CCDC159: variants seen among roughly 807,000 people sequenced by gnomAD.
CCDC159 encodes the protein coiled-coil domain-containing protein 159.
CCDC159 carries 40 observed loss-of-function variants against 50.9 expected under a neutral mutation model. The observed-to-expected ratio is 0.79, with a 90% CI of 0.61 to 1.02. CCDC159 has a LOEUF of 1.02. Ranked by LOEUF, CCDC159 falls within the 50% of genes least tolerant of loss-of-function variation. The pLI is 0.00. For synonymous variants in CCDC159, 146 were observed against 138.9 expected (o/e 1.05, Z -0.36); for missense variants, 356 against 371.5 (o/e 0.96, Z 0.34).
At chr19:11,354,489 A>T in intron 9 of CCDC159, 91 bp from the exon 10 acceptor site, 1 of 1,164,530 alleles carries the variant, frequency 8.6e-7, no homozygotes, top group Non-Finnish European at 1.2e-6. Context: ...GTCATGGTTT[A>T]AGTATCAATG....
chr19:11,352,308 T>C (rs1967629151), intron 7 of CCDC159, 175 bp downstream of exon 7: 1 of 651,030 alleles, frequency 1.5e-6, no homozygotes. Context: ...CTCATCTGTA[T>C]AATGGATGTA....
At chr19:11,352,734 C>T (rs531489697) in intron 7 of CCDC159, among the ~76,000 whole-genome samples, 84 of 151,972 alleles carry the variant, frequency 5.5e-4, no homozygotes, top group Non-Finnish European at 9.4e-4. Context: ...AGTTCAAGAC[C>T]AGCCTAGGCA....
chr19:11,351,913 T>G lies in CCDC159; in HGVS notation c.430T>G (p.Phe144Val), dbSNP rs1211735000. The G allele has an allele frequency of 7.5e-6, 12 of 1,596,374 alleles. No individual in the cohort carries two copies. The highest frequency in any genetic ancestry group is 9.4e-6 in the Non-Finnish European group (11 of 1,172,290). The change falls in exon 6 of 11, where the codon TTC becomes GTC. Residue 144 changes from phenylalanine to valine, a missense_variant. By Grantham distance (50) the Phe-to-Val change is conservative (BLOSUM62 -1). Coordinates refer to ENST00000458408, the MANE Select transcript of CCDC159 (RefSeq NM_001080503.3). ...LAQEIRDSKK[F>V]LWEELELVRE... The stretch of plus-strand genomic sequence containing the variant: ...GCTGCACTGTCCCCTCAGCAAGAAG[T>G]TCCTGTGGGAGGAGCTGGAACTGGT...
Position 11,346,635 on chromosome 19 carries a change from G to C in CCDC159, c.21+8G>C. The stretch of plus-strand genomic sequence containing the variant: ...GGAGAGCATGAACAGGTGGTATGTG[G>C]TAGGTGGGGTTCTGGAGCCTGGCGG... On this transcript the variant is annotated splice_region_variant and intron_variant, in intron 1 of 10. Coordinates refer to ENST00000458408, the MANE Select transcript of CCDC159 (RefSeq NM_001080503.3). The C allele has an allele frequency of 6.4e-7, 1 of 1,551,522 alleles. No homozygotes were observed. Among genetic ancestry groups the C allele is most frequent in the Non-Finnish European group, 8.7e-7 (1 of 1,146,920 alleles).
At chr19:11,349,841 T>A (rs1345870434) in intron 2 of CCDC159, 97 bp from the exon 3 acceptor site, 3 of 1,267,838 alleles carry the variant, frequency 2.4e-6, no homozygotes, top group Non-Finnish European at 3.4e-6. Flanking sequence ...TTATCCCCTG[T>A]CCCTACTGCT....
Position 11,346,630 on chromosome 19 carries a change from A to ATGTGGTAG in CCDC159, c.21+4_21+11dup. The ATGTGGTAG allele has an allele frequency of 6.4e-7, 1 of 1,551,418 alleles. No homozygotes were observed. Among genetic ancestry groups the ATGTGGTAG allele is most frequent in the Non-Finnish European group, 8.7e-7 (1 of 1,146,890 alleles). ...TGATGGGAGAGCATGAACAGGTGGTATGTGGTAGGTGGGGTTCTGGAGCCT... is the reference window on the plus strand; with the variant it reads ...TGATGGGAGAGCATGAACAGGTGGTATGTGGTAGTGTGGTAGGTGGGGTTCTGGAGCCT... On this transcript the variant is annotated splice_donor_region_variant and intron_variant, in intron 1 of 10. Transcript: ENST00000458408.
At chr19:11,349,475 T>A in intron 1 of CCDC159, 179 bp from the exon 2 acceptor site, 1 of 723,432 alleles carries the variant, frequency 1.4e-6, no homozygotes, top group East Asian at 2.7e-5. Flanking sequence ...TCTGAGCATA[T>A]GTAGCCCAAG....
chr19:11,354,888 C>G lies in CCDC159; in HGVS notation c.*11C>G. The G allele has an allele frequency of 6.2e-7, 1 of 1,613,630 alleles. No individual in the cohort carries two copies. The highest frequency in any genetic ancestry group is 8.5e-7 in the Non-Finnish European group (1 of 1,179,822). On this transcript the variant is annotated 3_prime_UTR_variant, in exon 11 of 11. Coordinates refer to ENST00000458408, the MANE Select transcript of CCDC159 (RefSeq NM_001080503.3). ...CTCTCCACAGCTTGAGCAGCCGGGACTGCTCTCCCTGAAGACCCCTCCAGA... is the reference window on the plus strand; with the variant it reads ...CTCTCCACAGCTTGAGCAGCCGGGAGTGCTCTCCCTGAAGACCCCTCCAGA...
At position 11,348,353 on chromosome 19, in the gene CCDC159, A is replaced by G. The variant is rs550021361; in HGVS notation, c.22-1301A>G. Among the ~76,000 whole-genome samples, 8 of 152,092 alleles carry G rather than the reference A, an allele frequency of 5.3e-5. No homozygotes were observed. In the East Asian group the frequency reaches 1.5e-3, roughly 29 times the overall value. ...GCTGAGGCTGGAGTGCAGTGGTGCAATCTCGGCTCACTGCCACCTCCGCCT... is the reference window on the plus strand; with the variant it reads ...GCTGAGGCTGGAGTGCAGTGGTGCAGTCTCGGCTCACTGCCACCTCCGCCT... On this transcript the variant is annotated intron_variant, in intron 1 of 10. Transcript: ENST00000458408.
Position 11,354,692 on chromosome 19 carries a change from ACCCGGT to A in CCDC159, c.886_889+2del. Reference sequence around the variant, plus strand: ...TCAGCAAGAGCGGCCGCTCCTTCCCACCCGGTGCAGATCCTCCCCAGTCCCCCCCTC... The same window carrying A: ...TCAGCAAGAGCGGCCGCTCCTTCCCAGCAGATCCTCCCCAGTCCCCCCCTC... On this transcript the variant is annotated splice_donor_variant and coding_sequence_variant, in exon 10 of 11. Coordinates refer to ENST00000458408, the MANE Select transcript of CCDC159 (RefSeq NM_001080503.3). LOFTEE classifies it high-confidence loss of function. 2 of 1,604,824 alleles carry A rather than the reference ACCCGGT, an allele frequency of 1.2e-6. No homozygotes were observed. The highest frequency in any genetic ancestry group is 2.2e-5 in the South Asian group (2 of 90,190).
At chr19:11,347,749 A>C (rs1249688680) in intron 1 of CCDC159, among the ~76,000 whole-genome samples, 2 of 152,248 alleles carry the variant, frequency 1.3e-5, no homozygotes, top group African/African-American at 4.8e-5. Flanking sequence ...AGTGTGACTC[A>C]GGGCAAGGTG....
chr19:11,350,212 C>G lies in CCDC159; in HGVS notation c.226+13C>G. On this transcript the variant is annotated intron_variant, in intron 4 of 10. Coordinates refer to ENST00000458408, the MANE Select transcript of CCDC159 (RefSeq NM_001080503.3). ...CAGCAGCTTGAAGGTGAGGACTGAC[C>G]AGAGATCAAGGTCAGGCTAGGCCAG... 1 of 1,605,338 alleles carries G rather than the reference C, an allele frequency of 6.2e-7. No individual in the cohort carries two copies. Among genetic ancestry groups the G allele is most frequent in the Non-Finnish European group, 8.5e-7 (1 of 1,176,714 alleles).
intron 1 of CCDC159, among the ~76,000 whole-genome samples, chr19:11,347,159 G>A (rs1025685512): frequency 1.3e-5 from 2 of 152,088 alleles, no homozygotes; most frequent in African/African-American, 2.4e-5. Context: ...GTGACTCTCG[G>A]AGGGGCAGCT....
chr19:11,351,094 A>C, intron 5 of CCDC159, 91 bp downstream of exon 5: 20 of 1,019,420 alleles, frequency 2.0e-5, no homozygotes, highest in Non-Finnish European at 2.1e-5. Context: ...GAAATGGCAG[A>C]TGCCTGGGGG....
intron 1 of CCDC159, among the ~76,000 whole-genome samples, chr19:11,347,648 G>A (rs1053552912): frequency 2.0e-5 from 3 of 152,184 alleles, no homozygotes; most frequent in Non-Finnish European, 2.9e-5. Context: ...TCTGAAGAGC[G>A]TGTAGGAGTC....
intron 1 of CCDC159, chr19:11,349,292 T>C (rs757863310): frequency 8.2e-6 from 6 of 735,568 alleles, no homozygotes; most frequent in African/African-American, 1.8e-5. Context: ...GAGACTCCCA[T>C]GAATGCACCC....
chr19:11,349,112 G>GCTGC, intron 1 of CCDC159: 1 of 1,350,210 alleles, frequency 7.4e-7, no homozygotes, highest in Non-Finnish European at 9.8e-7. Context: ...GCCACATGAG[G>GCTGC]CTGCCCCCTC....
In CCDC159 at chr19:11,349,095, G is replaced by A. The variant is rs558263145; in HGVS notation, c.22-559G>A. ...GACTGCAGGCCAGGGTGGGGCTCAG[G>A]GCCTTCGCCACATGAGGCTGCCCCC... On this transcript the variant is annotated intron_variant, in intron 1 of 10. Transcript: ENST00000458408. The A allele has an allele frequency of 4.5e-6, 6 of 1,348,206 alleles. No individual in the cohort carries two copies. In the East Asian group the frequency reaches 2.3e-4, roughly 52 times the overall value. The allele number at this position is 1,348,206 out of a possible 1,614,324, so 83.5% of individuals were successfully genotyped here.
chr19:11,351,890 T>C lies in CCDC159; in HGVS notation c.423-16T>C, dbSNP rs1289441227. 1 of 1,580,952 alleles carries C rather than the reference T, an allele frequency of 6.3e-7. No homozygotes were observed. The highest frequency in any genetic ancestry group is 2.3e-5 in the East Asian group (1 of 43,072). On this transcript the variant is annotated splice_polypyrimidine_tract_variant and intron_variant, in intron 5 of 10. Coordinates refer to ENST00000458408, the MANE Select transcript of CCDC159 (RefSeq NM_001080503.3). ...CCAGGCAGGGAGTGCAGGTCTAGGC[T>C]GCACTGTCCCCTCAGCAAGAAGTTC...
Sources: allele counts gnomAD v4.1 joint callset (sites outside exome capture counted in the v4.1 genomes callset), GRCh38; gene constraint gnomAD v4.1.1; transcripts MANE v1.5; gene names NCBI Gene and HGNC (gene_info 2026-07-23, HGNC 2026-07-21).